The following DNER variants were observed in gnomAD, a reference collection of about 807,000 sequenced individuals.
The protein encoded by DNER is delta/notch like EGF repeat containing, also known as delta and Notch-like epidermal growth factor-related receptor.
DNER carries 33 observed loss-of-function variants against 78.2 expected under a neutral mutation model. The ratio of observed to expected loss-of-function variants is 0.42; its 90% CI spans 0.32 to 0.56. DNER has a LOEUF of 0.56. Ranked by LOEUF, DNER falls within the 20% of genes least tolerant of loss-of-function variation. The pLI, the probability that DNER is intolerant of heterozygous loss-of-function variation, is 0.11. For missense variants in DNER, 918 were observed against 975.3 expected, an observed-to-expected ratio of 0.94 and a Z score of 0.78; for synonymous variants, 417 against 384.8, an observed-to-expected ratio of 1.08 and a Z score of -0.98.
At chr2:229,664,955 T>C (rs1229529370) in intron 1 of DNER, among the ~76,000 whole-genome samples, 1 of 152,182 alleles carries the variant, frequency 6.6e-6, no homozygotes, top group Non-Finnish European at 1.5e-5. Flanking sequence ...CAGCATTCTT[T>C]ATCATGAGAA....
intron 1 of DNER, among the ~76,000 whole-genome samples, chr2:229,700,015 G>A (rs1699718241): frequency 6.6e-6 from 1 of 151,718 alleles, no homozygotes; most frequent in Non-Finnish European, 1.5e-5. Context: ...AATCAATGTG[G>A]GGAAAATGTA....
At chr2:229,450,769 A>G (rs1408596393) in intron 7 of DNER, among the ~76,000 whole-genome samples, 3 of 152,180 alleles carry the variant, frequency 2.0e-5, no homozygotes, top group African/African-American at 7.2e-5. Flanking sequence ...GAAAAAATCA[A>G]CCCTGCCAGC....
chr2:229,429,869 C>T (rs1403369614), intron 8 of DNER, among the ~76,000 whole-genome samples: 2 of 152,172 alleles, frequency 1.3e-5, no homozygotes, highest in African/African-American at 2.4e-5. Context: ...AGATTAACCT[C>T]GGGGCTGGAT....
intron 6 of DNER, among the ~76,000 whole-genome samples, chr2:229,496,536 A>G (rs1450856777): frequency 6.6e-6 from 1 of 152,174 alleles, no homozygotes; most frequent in African/African-American, 2.4e-5. Context: ...TTTAAGTCCT[A>G]ATTATATGAT....
chr2:229,413,061 A>AC, intron 9 of DNER, among the ~76,000 whole-genome samples: 1 of 152,084 alleles, frequency 6.6e-6, no homozygotes, highest in East Asian at 1.9e-4. Context: ...AAGTCTAAGA[A>AC]CTTTTTTTTT....
At chr2:229,488,383 T>C (rs1307305148) in intron 6 of DNER, among the ~76,000 whole-genome samples, 4 of 152,244 alleles carry the variant, frequency 2.6e-5, no homozygotes, top group Admixed American at 6.5e-5. Flanking sequence ...TATATGTGTG[T>C]ACATGTTTTG....
intron 4 of DNER, among the ~76,000 whole-genome samples, chr2:229,563,080 CCAT>C (rs916577823): frequency 7.0e-5 from 10 of 141,964 alleles, no homozygotes; most frequent in South Asian, 2.5e-4. Flanking sequence ...CACCCCATCA[CCAT>C]CATCATCAAC....
At chr2:229,451,380 C>T (rs754854942) in intron 7 of DNER, among the ~76,000 whole-genome samples, 2 of 152,140 alleles carry the variant, frequency 1.3e-5, no homozygotes, top group African/African-American at 2.4e-5. Context: ...TCGCTTGAAC[C>T]CAGGAGGCGG....
rs1450813932 is a variant in DNER, at chr2:229,588,570, A to C, written c.586-82T>G. On this transcript the variant is annotated intron_variant, in intron 2 of 12. Transcript: ENST00000341772. ...TGTGATAAAGCAAAATTCCATGCTG[A>C]ATTTCCTTCATCCCTTTTGATGATG... 1.2e-5 allele frequency: 15 copies of C among 1,223,264 alleles called. No homozygotes were observed. In the Admixed American group the frequency reaches 2.6e-4, roughly 21 times the overall value. The allele number at this position is 1,223,264 out of a possible 1,614,324, so 75.8% of individuals were successfully genotyped here.
intron 5 of DNER, among the ~76,000 whole-genome samples, chr2:229,524,355 G>A (rs943956717): frequency 5.3e-5 from 8 of 152,326 alleles, no homozygotes; most frequent in East Asian, 1.9e-4. Flanking sequence ...GGAGATGTGC[G>A]TAACCCAAAG....
At position 229,375,552 on chromosome 2, in the gene DNER, G is replaced by T. The variant is rs533911197; in HGVS notation, c.1856-8433C>A. ...ACTAAAGGTAATTATGGATTCAGTG[G>T]GATTTGCAAGTTACCCTTGGACCCC... is the stretch of plus-strand genomic sequence containing the variant. On this transcript the variant is annotated intron_variant, in intron 11 of 12. Coordinates refer to ENST00000341772, the MANE Select transcript of DNER (RefSeq NM_139072.4). 1.2e-4 allele frequency among the ~76,000 whole-genome samples: 18 copies of T among 152,180 alleles called. 1 individual carries two copies. In the South Asian group the frequency reaches 3.5e-3, roughly 30 times the overall value.
chr2:229,483,500 C>T (rs1288020071), intron 6 of DNER, among the ~76,000 whole-genome samples: 1 of 152,134 alleles, frequency 6.6e-6, no homozygotes, highest in Non-Finnish European at 1.5e-5. Flanking sequence ...AAATGTTTAG[C>T]TGAGTAATTG....
At chr2:229,501,613 T>G (rs1695626089) in intron 6 of DNER, among the ~76,000 whole-genome samples, 1 of 152,170 alleles carries the variant, frequency 6.6e-6, no homozygotes, top group Non-Finnish European at 1.5e-5. Context: ...GAGACTTTGT[T>G]GAGAGTTTTT....
At chr2:229,681,487 T>C (rs143808325) in intron 1 of DNER, among the ~76,000 whole-genome samples, 143 of 152,250 alleles carry the variant, frequency 9.4e-4, no homozygotes, top group African/African-American at 3.3e-3. Context: ...AATAAGGAGT[T>C]TGTCCCTCCT....
intron 6 of DNER, among the ~76,000 whole-genome samples, chr2:229,482,660 C>T (rs567117616): frequency 6.6e-6 from 1 of 152,298 alleles, no homozygotes; most frequent in Admixed American, 6.5e-5. Context: ...CAGTTACAGT[C>T]CTGCCCTACA....
chr2:229,518,007 C>T (rs1263473395), intron 5 of DNER, among the ~76,000 whole-genome samples: 1 of 152,178 alleles, frequency 6.6e-6, no homozygotes, highest in Non-Finnish European at 1.5e-5. Flanking sequence ...GTTAAATTAC[C>T]TTGTTTCATT....
Position 229,476,993 on chromosome 2 carries a change from G to A in DNER, c.1261+147C>T, listed in dbSNP as rs903752374. The A allele has an allele frequency of 1.0e-5, 6 of 586,760 alleles. No homozygotes were observed. In the African/African-American group the frequency reaches 1.1e-4, roughly 11 times the overall value. The allele number at this position is 586,760 out of a possible 1,614,324, so 36.3% of individuals were successfully genotyped here. ...ATGCTAGCATAGAGCTAAAAAGGGGGACTATCTTCTATTTTTGTTTTATAA... is the reference window on the plus strand; with the variant it reads ...ATGCTAGCATAGAGCTAAAAAGGGGAACTATCTTCTATTTTTGTTTTATAA... On this transcript the variant is annotated intron_variant, in intron 7 of 12. Transcript: ENST00000341772.
At chr2:229,673,023 G>A (rs910808520) in intron 1 of DNER, among the ~76,000 whole-genome samples, 9 of 152,022 alleles carry the variant, frequency 5.9e-5, no homozygotes, top group South Asian at 2.1e-4. Flanking sequence ...GAAGACCCAC[G>A]CACACTGTTC....
rs1697608652 is a variant in DNER at position 229,591,665 on chromosome 2, G to A, written c.500C>T (p.Pro167Leu). ...PATQEPDKIL[P>L]RSQATVTLPT... ...CAGTGTCACCGTTGCCTGAGAGCGA[G>A]GCAGGATTTTGTCAGGCTCCTGAGT... Residue 167 changes from proline to leucine, a missense_variant, in exon 2 of 13, where the codon CCT becomes CTT. Pro to Leu is a moderately conservative substitution (Grantham distance 98, BLOSUM62 -3). Coordinates refer to ENST00000341772, the MANE Select transcript of DNER (RefSeq NM_139072.4). The surrounding 1 kb of genome is among the most constrained non-coding windows in gnomAD (Gnocchi z 4.6). The A allele has an allele frequency of 6.2e-7, 1 of 1,614,194 alleles. No individual in the cohort carries two copies. The highest frequency in any genetic ancestry group is 8.5e-7 in the Non-Finnish European group (1 of 1,180,038).
Sources: gnomAD v4.1 joint callset for allele counts (sites outside exome capture counted in the v4.1 genomes callset) on GRCh38, gnomAD v4.1.1 for gene constraint, Gnocchi (gnomAD v3.1) non-coding constraint, MANE v1.5 for transcripts, NCBI Gene and HGNC (gene_info 2026-07-23, HGNC 2026-07-21) for gene names.